Variants in SPHKAP observed in about 807,000 individuals in gnomAD.
SPHKAP encodes the protein SPHK1 interactor, AKAP domain containing, also known as A-kinase anchor protein SPHKAP.
In SPHKAP, 67 loss-of-function variants were observed where a neutral mutation model predicts 137.5. The ratio of observed to expected loss-of-function variants is 0.49; its 90% confidence interval spans 0.40 to 0.60. The LOEUF is 0.60. Among genes scored for constraint, SPHKAP ranks in the 20% least tolerant of loss-of-function variants. SPHKAP has a pLI of 0.00. For synonymous variants in SPHKAP, 813 were observed against 785.3 expected, an observed-to-expected ratio of 1.04 and a Z score of -0.59; for missense variants, 2,097 against 2,069.3, an observed-to-expected ratio of 1.01 and a Z score of -0.26.
chr2:228,099,070 A>G (rs1275585238), intron 3 of SPHKAP, among the ~76,000 whole-genome samples: 1 of 151,940 alleles, frequency 6.6e-6, no homozygotes, highest in Non-Finnish European at 1.5e-5. Context: ...TTTTTGTTGC[A>G]ATTGCTTTTG....
rs1188246105 is a variant in SPHKAP at position 228,018,096 on chromosome 2, G to A, written c.2758C>T (p.His920Tyr). The A allele has an allele frequency of 5.0e-6, 8 of 1,614,176 alleles. No individual in the cohort carries two copies. The highest frequency in any genetic ancestry group is 1.3e-5 in the African/African-American group (1 of 75,056). Residue 920 changes from histidine (H) to tyrosine (Y), a missense_variant, in exon 7 of 12, where the codon CAT becomes TAT. By Grantham distance (83) the His-to-Tyr change is moderately conservative. Coordinates refer to ENST00000392056, the MANE Select transcript of SPHKAP (RefSeq NM_001142644.2). ...TCTGTAATGCAGTAGATGTCTGGAT[G>A]CTTTGTTTGAAGCGTGGATTGAGCA... ...LPAQSTLQTK[H>Y]PDIYCITDFA... is the part of the protein sequence containing the mutation.
chr2:228,147,982 G>A (rs532746727), intron 1 of SPHKAP, among the ~76,000 whole-genome samples: 8 of 152,246 alleles, frequency 5.3e-5, no homozygotes, highest in Admixed American at 4.6e-4. Flanking sequence ...GCTTAATTTG[G>A]AATCCGAACC....
Position 227,981,718 on chromosome 2 carries a change from T to C in SPHKAP, c.5102A>G (p.Ter1701=). The C allele has an allele frequency of 6.2e-7, 1 of 1,612,660 alleles. No homozygotes were observed. Among genetic ancestry groups the C allele is most frequent in the Non-Finnish European group, 8.5e-7 (1 of 1,179,326 alleles). Residue 1701 remains the stop codon, a stop_retained_variant, in exon 12 of 12, where the codon TAA becomes TGA. Transcript: ENST00000392056. ...SLFDWLLELG[*] Reference sequence around the variant, plus strand: ...TGATCTATACGGCAGACTGCCTTATTATCCCAGTTCCAAGAGCCAGTCAAA... The same window carrying C: ...TGATCTATACGGCAGACTGCCTTATCATCCCAGTTCCAAGAGCCAGTCAAA...
intron 1 of SPHKAP, among the ~76,000 whole-genome samples, chr2:228,149,745 A>G (rs941300932): frequency 6.6e-6 from 1 of 152,038 alleles, no homozygotes; most frequent in Non-Finnish European, 1.5e-5. Context: ...TGTGACTCAT[A>G]TGAAAAATTA....
rs184069126 is a variant in SPHKAP at position 228,174,383 on chromosome 2, G to T, written c.32+7184C>A. Among the ~76,000 whole-genome samples the T allele has an allele frequency of 2.3e-3, 353 of 152,088 alleles. 1 individual carries two copies. The highest frequency in any genetic ancestry group is 3.6e-3 in the Non-Finnish European group (243 of 67,974). On this transcript the variant is annotated intron_variant, in intron 1 of 11. Coordinates refer to ENST00000392056, the MANE Select transcript of SPHKAP (RefSeq NM_001142644.2). Reference sequence around the variant, plus strand: ...TGTCTGAAATAAACAAAGCTATGTGGCATGAGAAGGTCTTGAAGGACTCCG... The same window carrying T: ...TGTCTGAAATAAACAAAGCTATGTGTCATGAGAAGGTCTTGAAGGACTCCG...
rs139628070 is a variant in SPHKAP at position 228,073,897 on chromosome 2, T to A, written c.246+34935A>T. On this transcript the variant is annotated intron_variant, in intron 3 of 11. Coordinates refer to ENST00000392056, the MANE Select transcript of SPHKAP (RefSeq NM_001142644.2). ...AAAGCATAAAATCAGTAATTTTGGA[T>A]CTAATTGTGTCACAGTGTCATGGGG... 1.8e-3 allele frequency among the ~76,000 whole-genome samples: 281 copies of A among 152,322 alleles called. 1 individual carries two copies. Among genetic ancestry groups the A allele is most frequent in the Non-Finnish European group, 1.1e-3 (76 of 68,030 alleles).
intron 2 of SPHKAP, among the ~76,000 whole-genome samples, chr2:228,113,391 G>C (rs756905577): frequency 3.9e-5 from 6 of 152,064 alleles, no homozygotes; most frequent in Non-Finnish European, 8.8e-5. Context: ...AGTGCCTGGT[G>C]CATCCTAAGT....
rs1694677605 is a variant in SPHKAP at position 228,018,001 on chromosome 2, G to A, written c.2853C>T (p.Asn951=). 1 of 1,614,022 alleles carries A rather than the reference G, an allele frequency of 6.2e-7. No individual in the cohort carries two copies. The highest frequency in any genetic ancestry group is 1.3e-5 in the African/African-American group (1 of 74,924). ...ATEIAAICLD[N]SSGKQPWFCA... ...AAAACCAGGGTTGTTTTCCACTGGA[G>A]TTGTCAAGGCAAATCGCTGCAATTT... The change falls in exon 7 of 12, where the codon AAC becomes AAT. Residue 951 remains asparagine (N), a synonymous_variant. Coordinates refer to ENST00000392056, the MANE Select transcript of SPHKAP (RefSeq NM_001142644.2).
intron 1 of SPHKAP, chr2:228,173,061 A>G (rs1034327076): frequency 1.0e-6 from 1 of 985,426 alleles, no homozygotes. Flanking sequence ...TTCCAGGTCC[A>G]TCCTGATCTG....
rs184637890 is a variant in SPHKAP, at chr2:228,035,414, C to T, written c.247-7871G>A. 7.1e-3 allele frequency among the ~76,000 whole-genome samples: 1,082 copies of T among 152,276 alleles called. 9 individuals are homozygous for T. The highest frequency in any genetic ancestry group is 0.025 in the African/African-American group (1,028 of 41,522). ...AACAAATGGAAGAACATTCCATGCTCATGGGTAGGAAGAATCAATATTGTG... is the reference window on the plus strand; with the variant it reads ...AACAAATGGAAGAACATTCCATGCTTATGGGTAGGAAGAATCAATATTGTG... On this transcript the variant is annotated intron_variant, in intron 3 of 11. Transcript: ENST00000392056.
At chr2:228,061,956 C>G (rs1182290699) in intron 3 of SPHKAP, among the ~76,000 whole-genome samples, 1 of 151,980 alleles carries the variant, frequency 6.6e-6, no homozygotes, top group East Asian at 1.9e-4. Context: ...AACTGGTACC[C>G]TCAGTTTAAA....
At chr2:228,175,686 A>G (rs1329704958) in intron 1 of SPHKAP, among the ~76,000 whole-genome samples, 1 of 152,202 alleles carries the variant, frequency 6.6e-6, no homozygotes, top group East Asian at 1.9e-4. Context: ...CCTATCTACA[A>G]TCTTAACAAA....
chr2:228,115,168 T>C (rs1698667334), intron 2 of SPHKAP, among the ~76,000 whole-genome samples: 1 of 152,150 alleles, frequency 6.6e-6, no homozygotes, highest in Non-Finnish European at 1.5e-5. Flanking sequence ...ATCAATCATT[T>C]TCCTTATCTC....
intron 2 of SPHKAP, chr2:228,131,295 G>A: frequency 2.0e-6 from 2 of 985,178 alleles, no homozygotes; most frequent in Non-Finnish European, 2.4e-6. Context: ...GAATTGGGAT[G>A]AGAAGAAACA....
chr2:228,044,028 G>C (rs1401190354), intron 3 of SPHKAP, among the ~76,000 whole-genome samples: 2 of 152,126 alleles, frequency 1.3e-5, no homozygotes, highest in Non-Finnish European at 2.9e-5. Flanking sequence ...AAGTGATAGT[G>C]AACTTAATTT....
chr2:228,009,708 A>C (rs1427383545), intron 7 of SPHKAP, among the ~76,000 whole-genome samples: 2 of 152,180 alleles, frequency 1.3e-5, no homozygotes, highest in East Asian at 3.9e-4. Context: ...AATTAGTTTC[A>C]GTTCAGCTTG....
At chr2:228,003,860 A>T (rs1694009602) in intron 7 of SPHKAP, among the ~76,000 whole-genome samples, 3 of 152,238 alleles carry the variant, frequency 2.0e-5, no homozygotes, top group African/African-American at 7.2e-5. Context: ...ATACCTGATT[A>T]CATTTATTGA....
chr2:228,145,779 A>C (rs907660492), intron 1 of SPHKAP, among the ~76,000 whole-genome samples: 3 of 152,200 alleles, frequency 2.0e-5, no homozygotes, highest in Admixed American at 2.0e-4. Context: ...CACAGTATTA[A>C]ATATTTTAAA....
chr2:228,096,582 C>T (rs1361598796), intron 3 of SPHKAP, among the ~76,000 whole-genome samples: 1 of 151,866 alleles, frequency 6.6e-6, no homozygotes, highest in East Asian at 1.9e-4. Context: ...ATGAAATCCA[C>T]TTGTAAGTGG....
Sources: gnomAD v4.1 joint callset for allele counts (sites outside exome capture counted in the v4.1 genomes callset) on GRCh38, gnomAD v4.1.1 for gene constraint, MANE v1.5 for transcripts, NCBI Gene and HGNC (gene_info 2026-07-23, HGNC 2026-07-21) for gene names.